The following SLC35F1 variants were observed in gnomAD, a reference collection of about 807,000 sequenced individuals.
The protein encoded by SLC35F1 is chromosome 6 open reading frame 169.
Under a neutral mutation model 48.7 loss-of-function variants are expected in SLC35F1, and 14 were observed. That is an observed-to-expected ratio of 0.29 (90% CI 0.19 to 0.45). The LOEUF (loss-of-function observed/expected upper bound fraction) is 0.45. Ranked by LOEUF, SLC35F1 falls within the 20% of genes least tolerant of loss-of-function variation. The probability of loss-of-function intolerance (pLI) is 1.00; values close to 1 mark genes in which losing one functional copy is unlikely to be tolerated. For synonymous variants in SLC35F1, 190 were observed against 202.2 expected (o/e 0.94, Z 0.51); for missense variants, 404 against 500.0 (o/e 0.81, Z 1.83).
chr6:117,930,039 A>G (rs1382103080), intron 1 of SLC35F1, among the ~76,000 whole-genome samples: 5 of 152,214 alleles, frequency 3.3e-5, no homozygotes, highest in Non-Finnish European at 5.9e-5. Flanking sequence ...CCAAAGTCAC[A>G]TAGATACCAA....
intron 1 of SLC35F1, among the ~76,000 whole-genome samples, chr6:117,929,393 A>G (rs1582569037): frequency 1.3e-5 from 2 of 151,504 alleles, no homozygotes; most frequent in South Asian, 4.2e-4. Context: ...CTATCTATCT[A>G]TCTACTATAT....
At chr6:118,217,198 G>A (rs540059348) in intron 2 of SLC35F1, among the ~76,000 whole-genome samples, 12 of 152,222 alleles carry the variant, frequency 7.9e-5, no homozygotes, top group South Asian at 4.1e-4. Flanking sequence ...TCATAGCAGC[G>A]TTTTATTTGT....
chr6:117,919,040 T>C (rs1775863157), intron 1 of SLC35F1, among the ~76,000 whole-genome samples: 1 of 152,048 alleles, frequency 6.6e-6, no homozygotes, highest in South Asian at 2.1e-4. Context: ...AGACTACAGG[T>C]GTGCACCACC....
intron 1 of SLC35F1, among the ~76,000 whole-genome samples, chr6:118,083,532 G>A (rs929901355): frequency 1.6e-4 from 24 of 152,214 alleles, no homozygotes; most frequent in Middle Eastern, 3.4e-3. Context: ...CATCTCTAAA[G>A]TACTTCCCTC....
chr6:118,028,811 A>T (rs755921638), intron 1 of SLC35F1, among the ~76,000 whole-genome samples: 5 of 152,062 alleles, frequency 3.3e-5, no homozygotes, highest in African/African-American at 7.2e-5. Context: ...GATGATAAAG[A>T]TAGTGGTTTT....
At chr6:118,053,034 G>A (rs564884916) in intron 1 of SLC35F1, among the ~76,000 whole-genome samples, 2 of 151,794 alleles carry the variant, frequency 1.3e-5, no homozygotes, top group East Asian at 3.9e-4. Context: ...AGGTTGATCA[G>A]GCAATGTAAA....
intron 1 of SLC35F1, among the ~76,000 whole-genome samples, chr6:118,093,287 G>C (rs1773103200): frequency 6.6e-6 from 1 of 152,016 alleles, no homozygotes; most frequent in African/African-American, 2.4e-5. Flanking sequence ...CTGCACTCCA[G>C]CCTGGGTGAC....
chr6:118,266,339 T>C (rs1775773171), intron 3 of SLC35F1, among the ~76,000 whole-genome samples: 1 of 152,212 alleles, frequency 6.6e-6, no homozygotes, highest in Non-Finnish European at 1.5e-5. Context: ...TCAAATTTTT[T>C]TGCTATACTC....
intron 1 of SLC35F1, among the ~76,000 whole-genome samples, chr6:117,985,135 T>C (rs754412892): frequency 3.9e-5 from 6 of 152,188 alleles, no homozygotes; most frequent in Non-Finnish European, 7.4e-5. Flanking sequence ...ATACCACATA[T>C]GTGAGAATAA....
At chr6:118,109,303 A>G (rs1228372225) in intron 1 of SLC35F1, among the ~76,000 whole-genome samples, 1 of 152,210 alleles carries the variant, frequency 6.6e-6, no homozygotes, top group Non-Finnish European at 1.5e-5. Flanking sequence ...ATTGGCCACA[A>G]TCAAGGTGGC....
At chr6:117,973,465 C>A (rs1010149831) in intron 1 of SLC35F1, among the ~76,000 whole-genome samples, 2 of 152,070 alleles carry the variant, frequency 1.3e-5, no homozygotes, top group Non-Finnish European at 2.9e-5. Context: ...AGACATTTTT[C>A]CTGAGAGCTG....
intron 1 of SLC35F1, among the ~76,000 whole-genome samples, chr6:117,944,965 G>T (rs1282085502): frequency 1.3e-5 from 2 of 152,194 alleles, no homozygotes; most frequent in Non-Finnish European, 2.9e-5. Context: ...TATTAACTGA[G>T]TGCCTGCTCT....
At position 118,036,082 on chromosome 6, in the gene SLC35F1, T is replaced by G. The variant is rs146725141; in HGVS notation, c.174-118363T>G. ...TTGCTGTTTCCTAACTTCTATTTAT[T>G]TTAAGTTTACATTGTTTTTATGTGT... On this transcript the variant is annotated intron_variant, in intron 1 of 7. Coordinates refer to ENST00000360388, the MANE Select transcript of SLC35F1 (RefSeq NM_001029858.4). 1.5e-3 allele frequency among the ~76,000 whole-genome samples: 223 copies of G among 152,334 alleles called. 1 individual carries two copies. The highest frequency in any genetic ancestry group is 5.0e-3 in the African/African-American group (207 of 41,578).
At chr6:117,936,975 T>C (rs1019222941) in intron 1 of SLC35F1, among the ~76,000 whole-genome samples, 1 of 152,204 alleles carries the variant, frequency 6.6e-6, no homozygotes, top group Admixed American at 6.5e-5. Context: ...TTACCTTTTA[T>C]GTGAGCACCT....
chr6:118,144,481 G>T lies in SLC35F1; in HGVS notation c.174-9964G>T, dbSNP rs564608479. ...GCATCAGGATAAATAGCTAATGCAT[G>T]CTGGGCTTAATACCTAGGTGATAGG... On this transcript the variant is annotated intron_variant, in intron 1 of 7. Coordinates refer to ENST00000360388, the MANE Select transcript of SLC35F1 (RefSeq NM_001029858.4). Among the ~76,000 whole-genome samples the T allele has an allele frequency of 2.6e-4, 40 of 151,976 alleles. No homozygotes were observed. The South Asian group carries it at 7.7e-3, about 29-fold the overall frequency.
In SLC35F1 at chr6:117,959,606, A is replaced by G. The variant is rs1582586150; in HGVS notation, c.173+51707A>G. ...AATGAAATATATTTGTACATAATACATAGATATAAAGGTAGGATTCACTAA... is the reference window on the plus strand; with the variant it reads ...AATGAAATATATTTGTACATAATACGTAGATATAAAGGTAGGATTCACTAA... On this transcript the variant is annotated intron_variant, in intron 1 of 7. Transcript: ENST00000360388. Among the ~76,000 whole-genome samples the G allele has an allele frequency of 2.0e-5, 3 of 152,328 alleles. No homozygotes were observed. In the South Asian group the frequency reaches 6.2e-4, roughly 32 times the overall value.
chr6:117,939,311 C>A (rs1188622824), intron 1 of SLC35F1, among the ~76,000 whole-genome samples: 1 of 152,190 alleles, frequency 6.6e-6, no homozygotes. Flanking sequence ...TCAGTAGATG[C>A]AAATGTGTCA....
chr6:117,913,588 C>A (rs1017730647), intron 1 of SLC35F1, among the ~76,000 whole-genome samples: 1 of 152,054 alleles, frequency 6.6e-6, no homozygotes, highest in African/African-American at 2.4e-5. Flanking sequence ...TACAGGGAAT[C>A]CTTGAATGTA....
rs1174488014 is a variant in SLC35F1, at chr6:117,998,996, A to G, written c.173+91097A>G. ...AGACATGGCCAAGTCCAAGAACCAC[A>G]CCACACACAACCAGTCCCGAAAATG... On this transcript the variant is annotated intron_variant, in intron 1 of 7. Transcript: ENST00000360388. The G allele has an allele frequency of 1.4e-5, 18 of 1,250,924 alleles. No homozygotes were observed. In the Admixed American group the frequency reaches 3.0e-4, roughly 21 times the overall value. The allele number at this position is 1,250,924 out of a possible 1,614,324, so 77.5% of individuals were successfully genotyped here.
Sources: gnomAD v4.1 joint callset for allele counts (sites outside exome capture counted in the v4.1 genomes callset) on GRCh38, gnomAD v4.1.1 for gene constraint, MANE v1.5 for transcripts, NCBI Gene and HGNC (gene_info 2026-07-23, HGNC 2026-07-21) for gene names.